The following MAP3K19 variants were observed in gnomAD, a reference collection of about 807,000 sequenced individuals.
MAP3K19 encodes the protein SPS1/STE20-related protein kinase YSK4.
MAP3K19 carries 91 observed loss-of-function variants against 114.4 expected under a neutral mutation model. The observed-to-expected ratio is 0.80, with a 90% CI of 0.67 to 0.95. The LOEUF is 0.95. MAP3K19 is among the 40% of genes least tolerant of loss of function. The probability of loss-of-function intolerance (pLI) is 0.00; values close to 1 mark genes in which losing one functional copy is unlikely to be tolerated. For missense variants in MAP3K19, 1,471 were observed against 1,573.2 expected (o/e 0.94, Z 1.10); for synonymous variants, 518 against 530.5 (o/e 0.98, Z 0.32).
At chr2:135,021,689 T>C (rs778111041) in intron 5 of MAP3K19, 26 bp downstream of exon 5, 2 of 1,358,250 alleles carry the variant, frequency 1.5e-6, no homozygotes, top group South Asian at 2.4e-5. Flanking sequence ...AGGCTGTCCG[T>C]TGTTTCTTTA....
In MAP3K19 at chr2:134,987,932, CT is replaced by C; in HGVS notation, c.939del (p.Ile313MetfsTer24). 10 of 1,614,190 alleles carry C rather than the reference CT, an allele frequency of 6.2e-6. No homozygotes were observed. The highest frequency in any genetic ancestry group is 8.5e-6 in the Non-Finnish European group (10 of 1,180,038). ...GTGATTTCAATTTTGTTACATTCTT[CT>C]ATTTCCTTGGATTTCCAGTTTTCCT... ...EKEENWKSKE[I>X]EECNKIEITH... On this transcript the variant is annotated frameshift_variant, in exon 10 of 13. Transcript: ENST00000392915. LOFTEE classifies it high-confidence loss of function.
At chr2:134,984,383 CA>C (rs1684940207) in intron 10 of MAP3K19, among the ~76,000 whole-genome samples, 1 of 152,046 alleles carries the variant, frequency 6.6e-6, no homozygotes, top group Non-Finnish European at 1.5e-5. Flanking sequence ...ATCATGCACA[CA>C]TATATATCAT....
At chr2:134,983,600 G>C in intron 11 of MAP3K19, 76 bp downstream of exon 11, 1 of 1,015,240 alleles carries the variant, frequency 9.8e-7, no homozygotes, top group Non-Finnish European at 1.4e-6. Flanking sequence ...GAGGATGACT[G>C]GGGGAGTGGG....
intron 8 of MAP3K19, among the ~76,000 whole-genome samples, chr2:134,997,018 C>T (rs1686041494): frequency 6.6e-6 from 1 of 152,128 alleles, no homozygotes; most frequent in Admixed American, 6.5e-5. Context: ...CACTGCACTC[C>T]AGCCTGGGCA....
At chr2:135,010,804 A>T (rs1559178109) in intron 5 of MAP3K19, among the ~76,000 whole-genome samples, 1 of 151,822 alleles carries the variant, frequency 6.6e-6, no homozygotes, top group Non-Finnish European at 1.5e-5. Context: ...TAATTTTTTA[A>T]TTTTTTTGTA....
chr2:134,985,486 C>T (rs1179693723), intron 10 of MAP3K19, among the ~76,000 whole-genome samples: 1 of 152,140 alleles, frequency 6.6e-6, no homozygotes, highest in African/African-American at 2.4e-5. Context: ...AAATGATATG[C>T]TGTTGATTGA....
chr2:135,013,326 G>A (rs74265431), intron 5 of MAP3K19, among the ~76,000 whole-genome samples: 1 of 94,916 alleles, frequency 1.1e-5, no homozygotes, highest in African/African-American at 4.6e-5. Context: ...AAAAAAAAAA[G>A]AAGAAGAAGA....
Position 134,987,409 on chromosome 2 carries a change from G to T in MAP3K19, c.1463C>A (p.Thr488Asn). The T allele has an allele frequency of 6.2e-7, 1 of 1,614,168 alleles. No individual in the cohort carries two copies. Among genetic ancestry groups the T allele is most frequent in the Non-Finnish European group, 8.5e-7 (1 of 1,180,030 alleles). Residue 488 changes from threonine to asparagine, a missense_variant, in exon 10 of 13, where the codon ACC becomes AAC. Physicochemically the swap from Thr to Asn is moderately conservative, Grantham distance 65. Transcript: ENST00000392915. ...CTTGGGGCTTCCATCCACAGGGAAG[G>T]TGATGTGGATAAGAGGCACCATCCT... ...MSRMVPLIHI[T>N]FPVDGSPKEP...
intron 11 of MAP3K19, chr2:134,983,195 A>AC (rs758927016): frequency 3.8e-6 from 2 of 532,048 alleles, no homozygotes; most frequent in Non-Finnish European, 7.7e-6. Context: ...TTCATCGCCC[A>AC]CCCCCCAAGA....
intron 12 of MAP3K19, among the ~76,000 whole-genome samples, chr2:134,970,848 T>C (rs1401793248): frequency 6.6e-6 from 1 of 152,174 alleles, no homozygotes; most frequent in Non-Finnish European, 1.5e-5. Context: ...CTGCCTGCCT[T>C]AGCCCCACAA....
At chr2:135,006,836 AAG>A (rs1408557582) in intron 5 of MAP3K19, among the ~76,000 whole-genome samples, 1 of 148,624 alleles carries the variant, frequency 6.7e-6, no homozygotes. Flanking sequence ...GAGAGAGAGA[AAG>A]AGAGAGAGAG....
At chr2:135,004,443 G>A (rs985346781) in intron 6 of MAP3K19, among the ~76,000 whole-genome samples, 5 of 152,170 alleles carry the variant, frequency 3.3e-5, no homozygotes, top group African/African-American at 1.2e-4. Flanking sequence ...GGGCAGCATC[G>A]CACCACCTCC....
intron 9 of MAP3K19, among the ~76,000 whole-genome samples, chr2:134,990,470 T>G (rs573628676): frequency 6.6e-6 from 1 of 150,914 alleles, no homozygotes; most frequent in African/African-American, 2.4e-5. Flanking sequence ...GTTTTTTTTT[T>G]TTGTTTGTTT....
At chr2:134,979,443 CGTGTGTGTGTGT>C (rs59337402) in intron 12 of MAP3K19, among the ~76,000 whole-genome samples, 3 of 146,770 alleles carry the variant, frequency 2.0e-5, no homozygotes, top group Non-Finnish European at 4.5e-5. Context: ...TAAAGTGCTT[CGTGTGTGTGTGT>C]GTGTGTGTGT....
chr2:134,987,327 G>A lies in MAP3K19; in HGVS notation c.1545C>T (p.Asn515=), dbSNP rs1685212170. The change falls in exon 10 of 13, where the codon AAC becomes AAT. Residue 515 remains asparagine, a synonymous_variant. Transcript: ENST00000392915. ...LQTRKGTIHN[N]HSVNIPVHQE... is the part of the protein sequence containing the mutation. ...GGTGTACAGGTATGTTGACACTATGGTTGTTATGAATGGTTCCCTTTCTTG... is the reference window on the plus strand; with the variant it reads ...GGTGTACAGGTATGTTGACACTATGATTGTTATGAATGGTTCCCTTTCTTG... 1 of 1,614,082 alleles carries A rather than the reference G, an allele frequency of 6.2e-7. No homozygotes were observed. Among genetic ancestry groups the A allele is most frequent in the Non-Finnish European group, 8.5e-7 (1 of 1,180,004 alleles).
chr2:135,023,244 T>C (rs1160156153), intron 4 of MAP3K19: 1 of 344,734 alleles, frequency 2.9e-6, no homozygotes, highest in Non-Finnish European at 5.8e-6. Flanking sequence ...CAATTTAACA[T>C]TGTTTCCTGC....
At chr2:135,040,757 G>T (rs1200672488) in intron 1 of MAP3K19, among the ~76,000 whole-genome samples, 1 of 152,178 alleles carries the variant, frequency 6.6e-6, no homozygotes, top group African/African-American at 2.4e-5. Context: ...GCTGAATTAG[G>T]AAGAATAATA....
intron 8 of MAP3K19, among the ~76,000 whole-genome samples, chr2:134,996,382 T>G (rs1463691503): frequency 6.6e-6 from 1 of 151,880 alleles, no homozygotes; most frequent in Non-Finnish European, 1.5e-5. Context: ...GCATTTGTAA[T>G]GGCTATGTGC....
intron 1 of MAP3K19, among the ~76,000 whole-genome samples, chr2:135,041,736 C>T (rs765869076): frequency 3.9e-5 from 6 of 152,228 alleles, no homozygotes; most frequent in South Asian, 2.1e-4. Context: ...GCTATTGATT[C>T]GATGTGCAAT....
Sources: allele counts gnomAD v4.1 joint callset (sites outside exome capture counted in the v4.1 genomes callset), GRCh38; gene constraint gnomAD v4.1.1; transcripts MANE v1.5; gene names NCBI Gene and HGNC (gene_info 2026-07-23, HGNC 2026-07-21).